Variants in SLC9A8 observed in about 807,000 individuals in gnomAD.
SLC9A8 encodes solute carrier family 9 member A8, also known as sodium/hydrogen exchanger 8.
A neutral mutation model predicts 66.6 loss-of-function variants in SLC9A8; 48 were observed. The observed-to-expected ratio is 0.72, with a 90% CI of 0.57 to 0.92. The LOEUF (loss-of-function observed/expected upper bound fraction) is 0.92. Ranked by LOEUF, SLC9A8 falls within the 40% of genes least tolerant of loss-of-function variation. The pLI, the probability that SLC9A8 is intolerant of heterozygous loss-of-function variation, is 0.00. For synonymous variants in SLC9A8, 274 were observed against 282.6 expected (o/e 0.97, Z 0.31); for missense variants, 599 against 747.3 (o/e 0.80, Z 2.31).
intron 10 of SLC9A8, among the ~76,000 whole-genome samples, chr20:49,869,514 G>A (rs961348864): frequency 1.4e-5 from 2 of 143,642 alleles, no homozygotes; most frequent in African/African-American, 5.0e-5. Context: ...GAGCCACCGC[G>A]CCCGGCCAAC....
chr20:49,877,643 A>C (rs555448562), intron 11 of SLC9A8, among the ~76,000 whole-genome samples: 63 of 152,186 alleles, frequency 4.1e-4, no homozygotes, highest in Non-Finnish European at 7.6e-4. Context: ...ACTTTGCCGC[A>C]GTTGGGGCCC....
chr20:49,822,538 A>G (rs1166125458), intron 2 of SLC9A8, among the ~76,000 whole-genome samples: 1 of 152,244 alleles, frequency 6.6e-6, no homozygotes, highest in Non-Finnish European at 1.5e-5. Context: ...TAATCCCAGC[A>G]CTTTGGGAGG....
intron 3 of SLC9A8, chr20:49,829,839 T>C (rs1365962436): frequency 1.8e-6 from 1 of 563,030 alleles, no homozygotes; most frequent in Non-Finnish European, 3.6e-6. Flanking sequence ...GAAGGAAAAG[T>C]GAAGAAGATC....
chr20:49,851,872 A>G (rs2081160870), intron 7 of SLC9A8, among the ~76,000 whole-genome samples: 1 of 152,242 alleles, frequency 6.6e-6, no homozygotes, highest in Non-Finnish European at 1.5e-5. Flanking sequence ...AAAGGAAGGT[A>G]TCACAGTATT....
chr20:49,867,254 A>C (rs907938408), intron 10 of SLC9A8, among the ~76,000 whole-genome samples: 9 of 152,142 alleles, frequency 5.9e-5, no homozygotes, highest in African/African-American at 2.2e-4. Context: ...TTTTAAAAAC[A>C]ATTTTTTTTG....
Position 49,832,690 on chromosome 20 carries a change from A to G in SLC9A8, c.290-6851A>G, listed in dbSNP as rs1170865454. 2.7e-5 allele frequency among the ~76,000 whole-genome samples: 4 copies of G among 150,768 alleles called. No homozygotes were observed. In the South Asian group the frequency reaches 6.4e-4, roughly 24 times the overall value. ...TGGGAGGGCAGGGAAGATGCCTGTC[A>G]GGTTTTTAGCACAGTTTATTTCACT... On this transcript the variant is annotated intron_variant, in intron 3 of 15. Coordinates refer to ENST00000361573, the MANE Select transcript of SLC9A8 (RefSeq NM_015266.3).
At chr20:49,883,088 C>T (rs560328838) in intron 13 of SLC9A8, among the ~76,000 whole-genome samples, 1 of 150,702 alleles carries the variant, frequency 6.6e-6, no homozygotes, top group Admixed American at 6.7e-5. Context: ...CCCAGCTGCT[C>T]TAGGAGCTCC....
At chr20:49,815,668 C>A (rs567289302) in intron 2 of SLC9A8, among the ~76,000 whole-genome samples, 14 of 152,006 alleles carry the variant, frequency 9.2e-5, no homozygotes, top group Admixed American at 2.0e-4. Flanking sequence ...TCACTTGAAC[C>A]TGAGAGGCAG....
At chr20:49,840,745 T>TTTC (rs2146565680) in intron 4 of SLC9A8, among the ~76,000 whole-genome samples, 1 of 152,292 alleles carries the variant, frequency 6.6e-6, no homozygotes, top group African/African-American at 2.4e-5. Context: ...GAAGAGCCTT[T>TTTC]TTCTACTCCT....
chr20:49,812,990 G>GGCCCA, intron 1 of SLC9A8, 42 bp downstream of exon 1: 2 of 1,369,168 alleles, frequency 1.5e-6, no homozygotes, highest in Non-Finnish European at 1.9e-6. Flanking sequence ...GGCGGGGCTG[G>GGCCCA]GCCCCGGCGG....
At chr20:49,885,616 A>G (rs1201162588) in intron 14 of SLC9A8, among the ~76,000 whole-genome samples, 2 of 152,280 alleles carry the variant, frequency 1.3e-5, no homozygotes, top group African/African-American at 4.8e-5. Context: ...GGCGAAGCAC[A>G]GCACTAGCAG....
Position 49,886,908 on chromosome 20 carries a change from C to T in SLC9A8, c.1638+10C>T, listed in dbSNP as rs1352827007. On this transcript the variant is annotated intron_variant, in intron 15 of 15. Coordinates refer to ENST00000361573, the MANE Select transcript of SLC9A8 (RefSeq NM_015266.3). This position sits in a 1 kb window ranked among gnomAD's most constrained non-coding sequence, Gnocchi z 4.8. ...GAGGCTGACGCAGGAGGTGGGATAC[C>T]GGCCAGGCCACACTTTCTGGGGGTC... The T allele has an allele frequency of 3.7e-6, 6 of 1,611,074 alleles. 1 individual carries two copies. The highest frequency in any genetic ancestry group is 2.7e-5 in the African/African-American group (2 of 74,900).
intron 10 of SLC9A8, among the ~76,000 whole-genome samples, chr20:49,870,793 C>T (rs1645391429): frequency 6.6e-6 from 1 of 152,198 alleles, no homozygotes; most frequent in African/African-American, 2.4e-5. Context: ...CCTTGACCTC[C>T]CCAGGTTTAG....
In SLC9A8 at chr20:49,889,138, G is replaced by A. The variant is rs2089986442; in HGVS notation, c.*1202G>A. On this transcript the variant is annotated 3_prime_UTR_variant, in exon 16 of 16. Transcript: ENST00000361573. ...AGGAGCTGCCAGTCATGTCCAGATG[G>A]AATGACTCCCATCCTCTCCTCATCT... 1 of 152,342 alleles carries A rather than the reference G, an allele frequency of 6.6e-6. No individual in the cohort carries two copies. The allele number at this position is 152,342 out of a possible 1,614,324, so 9.4% of individuals were successfully genotyped here. A position where few individuals can be genotyped will look rare whatever the true frequency, so the allele number is the denominator to read the frequency against.
intron 3 of SLC9A8, chr20:49,830,152 T>C (rs1422111349): frequency 1.3e-6 from 1 of 753,228 alleles, no homozygotes; most frequent in Non-Finnish European, 2.5e-6. Flanking sequence ...AAGTTGAAAA[T>C]ATGTGAAGAG....
chr20:49,815,105 A>G lies in SLC9A8; in HGVS notation c.124A>G (p.Ile42Val). The part of the protein sequence containing the change: ...KLVLPTPGKP[I>V]LPVQTGEQAQ... ...GGTGCTCCCGACCCCTGGCAAGCCCATCCTCCCCGTGCAGACAGGGGAGCA... is the reference window on the plus strand; with the variant it reads ...GGTGCTCCCGACCCCTGGCAAGCCCGTCCTCCCCGTGCAGACAGGGGAGCA... The change falls in exon 2 of 16, where the codon ATC becomes GTC. Residue 42 changes from isoleucine (I) to valine (V), a missense_variant. Ile to Val is a conservative substitution (Grantham distance 29). Coordinates refer to ENST00000361573, the MANE Select transcript of SLC9A8 (RefSeq NM_015266.3). 2 of 1,609,148 alleles carry G rather than the reference A, an allele frequency of 1.2e-6. No individual in the cohort carries two copies. The highest frequency in any genetic ancestry group is 1.7e-6 in the Non-Finnish European group (2 of 1,177,976).
chr20:49,813,090 G>T (rs2086413719), intron 1 of SLC9A8, 142 bp downstream of exon 1: 2 of 487,098 alleles, frequency 4.1e-6, no homozygotes, highest in African/African-American at 2.0e-5. Flanking sequence ...CGGTGCCTAC[G>T]AGGAGGGCGG....
intron 5 of SLC9A8, among the ~76,000 whole-genome samples, chr20:49,845,901 C>T (rs1403608747): frequency 6.6e-6 from 1 of 152,050 alleles, no homozygotes; most frequent in Non-Finnish European, 1.5e-5. Flanking sequence ...GTGGCATGAT[C>T]TCGGCTCACT....
intron 3 of SLC9A8, among the ~76,000 whole-genome samples, chr20:49,836,047 C>G (rs1262535213): frequency 6.6e-6 from 1 of 152,032 alleles, no homozygotes; most frequent in Admixed American, 6.6e-5. Context: ...AATTTTAGGA[C>G]ATTTTTATCA....
Sources: allele counts gnomAD v4.1 joint callset (sites outside exome capture counted in the v4.1 genomes callset), GRCh38; gene constraint gnomAD v4.1.1; non-coding constraint Gnocchi (gnomAD v3.1); transcripts MANE v1.5; gene names NCBI Gene and HGNC (gene_info 2026-07-23, HGNC 2026-07-21).